Variants in BCL2L14 observed in about 807,000 individuals in gnomAD.
BCL2L14 encodes the protein BCL2 like 14.
A neutral mutation model predicts 35.3 loss-of-function variants in BCL2L14; 27 were observed. The observed-to-expected ratio is 0.76, with a 90% CI of 0.56 to 1.05. The LOEUF is 1.05. Among genes scored for constraint, BCL2L14 ranks in the 50% least tolerant of loss-of-function variants. The probability of loss-of-function intolerance (pLI) is 0.00; values close to 1 mark genes in which losing one functional copy is unlikely to be tolerated. For missense variants in BCL2L14, 377 were observed against 382.6 expected (o/e 0.99, Z 0.12); for synonymous variants, 139 against 145.9 (o/e 0.95, Z 0.34).
intron 2 of BCL2L14, among the ~76,000 whole-genome samples, 197 bp from the exon 3 acceptor site, chr12:12,087,016 A>C (rs1026396891): frequency 6.6e-6 from 1 of 152,184 alleles, no homozygotes; most frequent in Non-Finnish European, 1.5e-5. Context: ...TCATTCCTGC[A>C]TGCACCCCTC....
upstream of BCL2L14, among the ~76,000 whole-genome samples, chr12:12,067,368 T>G (rs533980207): frequency 5.1e-4 from 77 of 152,072 alleles, no homozygotes; most frequent in Non-Finnish European, 5.9e-5. Context: ...CTGGCCAACA[T>G]AGTGAAACCC....
chr12:12,060,121 C>G (rs911789222), intron 2 of BCL2L14, among the ~76,000 whole-genome samples: 6 of 151,522 alleles, frequency 4.0e-5, no homozygotes, highest in Admixed American at 1.3e-4. Flanking sequence ...TCCTCAGCCT[C>G]TGCTCCTCCA....
Position 12,058,804 on chromosome 12 carries a change from T to TC in BCL2L14, c.-272+6957_-272+6958insC, listed in dbSNP as rs1289287980. Among the ~76,000 whole-genome samples the TC allele has an allele frequency of 5.3e-5, 8 of 152,320 alleles. No individual in the cohort carries two copies. In the East Asian group the frequency reaches 9.7e-4, roughly 18 times the overall value. Reference sequence around the variant, plus strand: ...ATGAAATTTGGTGCCATGACTCAGATGGGGGACCTCCCTTGGGAGATCAAT... The same window carrying TC: ...ATGAAATTTGGTGCCATGACTCAGATCGGGGGACCTCCCTTGGGAGATCAAT... On this transcript the variant is annotated intron_variant, in intron 2 of 3. Coordinates refer to the BCL2L14 transcript ENST00000461264.
chr12:12,059,897 T>C (rs903158427), intron 2 of BCL2L14, among the ~76,000 whole-genome samples: 1 of 152,174 alleles, frequency 6.6e-6, no homozygotes, highest in Non-Finnish European at 1.5e-5. Context: ...AATAGGCAAA[T>C]GGTCTGAGAT....
chr12:12,099,321 A>C lies in BCL2L14; in HGVS notation c.*333A>C, dbSNP rs1949380716. 1.6e-5 allele frequency: 5 copies of C among 303,106 alleles called. No homozygotes were observed. The South Asian group carries it at 2.3e-4, about 14-fold the overall frequency. The allele number at this position is 303,106 out of a possible 1,614,324, so 18.8% of individuals were successfully genotyped here. A position where few individuals can be genotyped will look rare whatever the true frequency, so the allele number is the denominator to read the frequency against. ...AGCTGCTGTAGGGAAAGTGCGTTAC[A>C]GATGTCTGCTGACCTCACAAGAGTG... On this transcript the variant is annotated 3_prime_UTR_variant, in exon 6 of 6. Transcript: ENST00000308721.
chr12:12,083,705 G>T (rs1341096742), intron 2 of BCL2L14, among the ~76,000 whole-genome samples: 1 of 152,170 alleles, frequency 6.6e-6, no homozygotes, highest in Non-Finnish European at 1.5e-5. Flanking sequence ...AGCCCTTTGG[G>T]AGTCTGAGGT....
chr12:12,085,682 G>C (rs999580781), intron 2 of BCL2L14, among the ~76,000 whole-genome samples: 3 of 152,156 alleles, frequency 2.0e-5, no homozygotes, highest in Admixed American at 6.5e-5. Context: ...TTCCGTGAAT[G>C]GCTGGAGGGC....
intron 4 of BCL2L14, among the ~76,000 whole-genome samples, chr12:12,091,495 G>T (rs1430252453): frequency 6.6e-6 from 1 of 152,214 alleles, no homozygotes; most frequent in East Asian, 1.9e-4. Context: ...ATAACCCACA[G>T]ACGACTGAGT....
chr12:12,066,080 C>T (rs955522652), upstream of BCL2L14, among the ~76,000 whole-genome samples: 5 of 152,254 alleles, frequency 3.3e-5, no homozygotes, highest in East Asian at 1.9e-4. Context: ...CGTGAGCCAC[C>T]GCACCTGGCC....
At chr12:12,095,906 C>A in intron 5 of BCL2L14, 3 of 985,394 alleles carry the variant, frequency 3.0e-6, no homozygotes, top group South Asian at 9.4e-5. Context: ...AGTTTGATAA[C>A]CCTAAGTGGC....
At chr12:12,074,786 T>C (rs1565459178) in intron 1 of BCL2L14, among the ~76,000 whole-genome samples, 2 of 152,302 alleles carry the variant, frequency 1.3e-5, no homozygotes, top group East Asian at 3.9e-4. Context: ...AATGAGATTA[T>C]CTTTTTAAAA....
intron 2 of BCL2L14, among the ~76,000 whole-genome samples, chr12:12,085,083 CAAAAAAAAAA>C (rs11296787): frequency 1.2e-5 from 1 of 85,480 alleles, no homozygotes; most frequent in African/African-American, 4.6e-5. Context: ...GACTCCGTCT[CAAAAAAAAAA>C]AAAAAAAAAA....
At chr12:12,094,360 C>A in intron 4 of BCL2L14, 1 of 699,682 alleles carries the variant, frequency 1.4e-6, no homozygotes, top group East Asian at 2.7e-5. Context: ...GAGTGAGGAC[C>A]CGCATCTCAG....
chr12:12,090,354 G>A (rs1055266719), intron 3 of BCL2L14, among the ~76,000 whole-genome samples: 1 of 152,188 alleles, frequency 6.6e-6, no homozygotes, highest in African/African-American at 2.4e-5. Flanking sequence ...TTCTTGCCAG[G>A]CACAGTGGCT....
At chr12:12,093,725 G>A (rs959419795) in intron 4 of BCL2L14, among the ~76,000 whole-genome samples, 2 of 151,148 alleles carry the variant, frequency 1.3e-5, no homozygotes, top group South Asian at 2.1e-4. Context: ...CCTGGGAGGC[G>A]GAGGTTGCAG....
At chr12:12,078,289 A>T (rs1256562672) in intron 1 of BCL2L14, among the ~76,000 whole-genome samples, 1 of 152,214 alleles carries the variant, frequency 6.6e-6, no homozygotes, top group Non-Finnish European at 1.5e-5. Flanking sequence ...AAGCCGGGAC[A>T]AGCTAAAGCA....
chr12:12,061,201 C>T (rs995786187), intron 2 of BCL2L14, among the ~76,000 whole-genome samples: 8 of 151,000 alleles, frequency 5.3e-5, no homozygotes, highest in Non-Finnish European at 4.4e-5. Flanking sequence ...GGGCTACAGC[C>T]ACACCTAATT....
intron 1 of BCL2L14, among the ~76,000 whole-genome samples, chr12:12,073,938 T>G (rs1948725270): frequency 6.6e-6 from 1 of 152,118 alleles, no homozygotes; most frequent in Admixed American, 6.6e-5. Flanking sequence ...CTTTGCCTGC[T>G]TGCACGCACC....
chr12:12,098,292 C>T (rs765520238), intron 5 of BCL2L14, among the ~76,000 whole-genome samples: 4 of 152,142 alleles, frequency 2.6e-5, no homozygotes, highest in African/African-American at 4.8e-5. Context: ...TTTCCAGAAG[C>T]TCAGGGTTCC....
Sources: allele counts gnomAD v4.1 joint callset (sites outside exome capture counted in the v4.1 genomes callset), GRCh38; gene constraint gnomAD v4.1.1; transcripts MANE v1.5; gene names NCBI Gene and HGNC (gene_info 2026-07-23, HGNC 2026-07-21).